Variants in PEAK1 observed in about 807,000 individuals in gnomAD.
The protein encoded by PEAK1 is pseudopodium enriched atypical kinase 1.
In PEAK1, 54 loss-of-function variants were observed where a neutral mutation model predicts 124.7. The ratio of observed to expected loss-of-function variants is 0.43; its 90% CI spans 0.35 to 0.54. PEAK1 has a LOEUF of 0.54. Among genes scored for constraint, PEAK1 ranks in the 20% least tolerant of loss-of-function variants. The pLI is 0.01. For missense variants in PEAK1, 2,046 were observed against 2,134.5 expected, an observed-to-expected ratio of 0.96 and a Z score of 0.82; for synonymous variants, 719 against 760.0, an observed-to-expected ratio of 0.95 and a Z score of 0.89.
At chr15:77,176,549 T>C (rs1379668239) in intron 7 of PEAK1, among the ~76,000 whole-genome samples, 2 of 152,200 alleles carry the variant, frequency 1.3e-5, no homozygotes, top group African/African-American at 4.8e-5. Flanking sequence ...AACAGCTCTC[T>C]AGATGATTCT....
At chr15:77,266,661 G>A (rs945469552) in intron 5 of PEAK1, among the ~76,000 whole-genome samples, 1 of 152,136 alleles carries the variant, frequency 6.6e-6, no homozygotes, top group Non-Finnish European at 1.5e-5. Context: ...CCAACACCAA[G>A]ATAACAGACA....
intron 1 of PEAK1, among the ~76,000 whole-genome samples, chr15:77,377,500 T>G (rs1427461409): frequency 6.6e-6 from 1 of 151,172 alleles, no homozygotes; most frequent in Non-Finnish European, 1.5e-5. Flanking sequence ...TTGCCCAGGC[T>G]GGAGTACAAT....
At chr15:77,408,061 ATACACATATATACATAT>A (rs2072030216) in intron 1 of PEAK1, among the ~76,000 whole-genome samples, 1 of 127,970 alleles carries the variant, frequency 7.8e-6, no homozygotes, top group Non-Finnish European at 1.8e-5. Flanking sequence ...ACATGCATAG[ATACACATATATACATAT>A]ATACACATAT....
intron 2 of PEAK1, among the ~76,000 whole-genome samples, chr15:77,322,306 C>T (rs1383598101): frequency 2.6e-5 from 4 of 151,990 alleles, no homozygotes; most frequent in Admixed American, 6.6e-5. Flanking sequence ...AATAGAGACA[C>T]AAAAAACCCT....
At chr15:77,352,047 C>A in intron 2 of PEAK1, 1 of 850,400 alleles carries the variant, frequency 1.2e-6, no homozygotes. Flanking sequence ...ATAAGGAGAC[C>A]CCATCTCTCC....
At chr15:77,206,262 T>C (rs2058649610) in intron 6 of PEAK1, among the ~76,000 whole-genome samples, 2 of 146,892 alleles carry the variant, frequency 1.4e-5, no homozygotes, top group South Asian at 2.2e-4. Context: ...GTCTTTGCTA[T>C]TGTGAATAAT....
intron 1 of PEAK1, among the ~76,000 whole-genome samples, chr15:77,392,821 C>T (rs1165526632): frequency 6.6e-6 from 1 of 152,150 alleles, no homozygotes; most frequent in Non-Finnish European, 1.5e-5. Flanking sequence ...TCATAACAAG[C>T]AAAAATCATC....
At chr15:77,257,803 G>A (rs866674789) in intron 5 of PEAK1, among the ~76,000 whole-genome samples, 47 of 147,724 alleles carry the variant, frequency 3.2e-4, no homozygotes, top group African/African-American at 1.0e-3. Context: ...GTCCTTGCCT[G>A]TGCCTATGTC....
chr15:77,345,811 C>T, intron 2 of PEAK1: 1 of 671,972 alleles, frequency 1.5e-6, no homozygotes, highest in Non-Finnish European at 1.8e-6. Context: ...CTGATTTGAT[C>T]TTTACACATT....
At chr15:77,415,264 T>C (rs926707705) in intron 1 of PEAK1, among the ~76,000 whole-genome samples, 1 of 152,232 alleles carries the variant, frequency 6.6e-6, no homozygotes, top group Non-Finnish European at 1.5e-5. Context: ...CTTCTTCAGT[T>C]TCCTAGTCAT....
chr15:77,198,911 T>A (rs904974417), intron 6 of PEAK1, among the ~76,000 whole-genome samples: 3 of 152,336 alleles, frequency 2.0e-5, no homozygotes, highest in East Asian at 3.9e-4. Flanking sequence ...GAAGGATATC[T>A]GCCTGAGCAG....
At chr15:77,336,528 C>A in intron 2 of PEAK1, 1 of 985,358 alleles carries the variant, frequency 1.0e-6, no homozygotes, top group Non-Finnish European at 1.2e-6. Flanking sequence ...TTGCTTGTTG[C>A]CCACATGAAA....
At chr15:77,237,373 A>G (rs1329140385) in intron 6 of PEAK1, among the ~76,000 whole-genome samples, 1 of 151,608 alleles carries the variant, frequency 6.6e-6, no homozygotes, top group Non-Finnish European at 1.5e-5. Context: ...GGCATCATAC[A>G]TTTCTAAAAT....
At chr15:77,347,648 A>T (rs2066946565) in intron 2 of PEAK1, 1 of 979,234 alleles carries the variant, frequency 1.0e-6, no homozygotes, top group East Asian at 1.1e-4. Flanking sequence ...TGTAAATAAC[A>T]AATATAACAA....
chr15:77,126,738 A>G (rs1370743335), intron 9 of PEAK1, among the ~76,000 whole-genome samples: 1 of 152,228 alleles, frequency 6.6e-6, no homozygotes, highest in East Asian at 1.9e-4. Context: ...ACACAGTGAT[A>G]TCTTCAGAAC....
chr15:77,166,881 C>T (rs921381996), intron 7 of PEAK1, among the ~76,000 whole-genome samples: 7 of 152,126 alleles, frequency 4.6e-5, no homozygotes, highest in South Asian at 2.1e-4. Flanking sequence ...TCAAAGTCTA[C>T]GTTCTAAAAT....
intron 8 of PEAK1, among the ~76,000 whole-genome samples, chr15:77,150,649 C>T (rs1025074855): frequency 6.8e-6 from 1 of 148,062 alleles, no homozygotes; most frequent in Non-Finnish European, 1.5e-5. Context: ...TCTCCTAATG[C>T]TATCCCTCCC....
intron 2 of PEAK1, among the ~76,000 whole-genome samples, chr15:77,308,717 T>A (rs1376827400): frequency 6.6e-6 from 1 of 152,114 alleles, no homozygotes; most frequent in Non-Finnish European, 1.5e-5. Flanking sequence ...CTGTTTCACT[T>A]CACATACTCT....
chr15:77,402,265 A>G (rs16968817), intron 1 of PEAK1: 104,837 of 984,452 alleles, frequency 0.11, 5,753 homozygotes, highest in Non-Finnish European at 0.11. Context: ...AACAAGCAGA[A>G]GGTTTTCAGT....
Sources: gnomAD v4.1 joint callset for allele counts (sites outside exome capture counted in the v4.1 genomes callset) on GRCh38, gnomAD v4.1.1 for gene constraint, MANE v1.5 for transcripts, NCBI Gene and HGNC (gene_info 2026-07-23, HGNC 2026-07-21) for gene names.